Variants in CELF2 observed in about 807,000 individuals in gnomAD.
CELF2 encodes CUGBP Elav-like family member 2.
Under a neutral mutation model 62.6 loss-of-function variants are expected in CELF2, and 8 were observed. The observed-to-expected ratio is 0.13, with a 90% CI of 0.07 to 0.23. The LOEUF is 0.23. Among genes scored for constraint, CELF2 ranks in the 10% least tolerant of loss-of-function variants. The probability of loss-of-function intolerance (pLI) is 1.00; values close to 1 mark genes in which losing one functional copy is unlikely to be tolerated. For synonymous variants in CELF2, 258 were observed against 250.0 expected (o/e 1.03, Z -0.30); for missense variants, 333 against 671.0 (o/e 0.50, Z 5.56).
At chr10:11,114,066 G>C (rs958878440) in intron 1 of CELF2, among the ~76,000 whole-genome samples, 7 of 152,112 alleles carry the variant, frequency 4.6e-5, no homozygotes, top group East Asian at 1.9e-4. Context: ...TCTGGGAAAT[G>C]CTTCTGTGCT....
intron 1 of CELF2, among the ~76,000 whole-genome samples, chr10:11,019,563 AATT>A (rs1350951409): frequency 6.6e-6 from 1 of 151,772 alleles, no homozygotes; most frequent in African/African-American, 2.4e-5. Flanking sequence ...TGCAGTGGCC[AATT>A]ATTTGAGCTG....
the CELF2 span, among the ~76,000 whole-genome samples, chr10:10,512,955 C>T: frequency 6.6e-6 from 1 of 152,186 alleles, no homozygotes. Context: ...AAGAAGCTGC[C>T]TATCCCCAAA....
At chr10:10,844,186 T>C (rs1001782450) in intron 1 of CELF2, among the ~76,000 whole-genome samples, 1 of 152,066 alleles carries the variant, frequency 6.6e-6, no homozygotes, top group Non-Finnish European at 1.5e-5. Context: ...TTGTGACCTC[T>C]GACCAATATA....
intron 5 of CELF2, among the ~76,000 whole-genome samples, chr10:11,262,626 C>T (rs2081005953): frequency 6.6e-6 from 1 of 152,144 alleles, no homozygotes. Context: ...GTGTCTGTGC[C>T]AGTTTTAAAT....
the CELF2 span, among the ~76,000 whole-genome samples, chr10:10,483,542 C>G: frequency 3.1e-4 from 47 of 152,276 alleles, no homozygotes; most frequent in African/African-American, 1.1e-3. Context: ...AAAATGACCC[C>G]TTTCTTTGCC....
At chr10:10,590,564 C>T in the CELF2 span, among the ~76,000 whole-genome samples, 1 of 152,268 alleles carries the variant, frequency 6.6e-6, no homozygotes, top group African/African-American at 2.4e-5. Flanking sequence ...ACTTTCCTGC[C>T]CTTTACTACC....
rs1288399155 is a variant in CELF2, at chr10:11,178,896, C to T, written c.271+13214C>T. Among the ~76,000 whole-genome samples the T allele has an allele frequency of 1.3e-5, 2 of 152,156 alleles. No homozygotes were observed. The highest frequency in any genetic ancestry group is 2.9e-5 in the Non-Finnish European group (2 of 68,020). On this transcript the variant is annotated intron_variant, in intron 2 of 12. Coordinates refer to ENST00000633077, the MANE Select transcript of CELF2 (RefSeq NM_001326342.2). This position sits in a 1 kb window ranked among gnomAD's most constrained non-coding sequence, Gnocchi z 4.3. ...TGACACATACTCCATCACATGTTTG[C>T]GATGAAAATGCTGTATTTTTAGAAC...
At chr10:10,513,841 C>T in the CELF2 span, among the ~76,000 whole-genome samples, 1 of 152,162 alleles carries the variant, frequency 6.6e-6, no homozygotes, top group Non-Finnish European at 1.5e-5. Context: ...CCTCTCTATG[C>T]AAAGTATAGA....
At chr10:10,769,119 A>G in the CELF2 span, among the ~76,000 whole-genome samples, 1 of 152,136 alleles carries the variant, frequency 6.6e-6, no homozygotes, top group Non-Finnish European at 1.5e-5. Flanking sequence ...TACAACAGAT[A>G]TTTATTATAT....
the CELF2 span, among the ~76,000 whole-genome samples, chr10:10,552,757 C>G: frequency 1.3e-5 from 2 of 152,140 alleles, no homozygotes; most frequent in East Asian, 1.9e-4. Context: ...TGATGTTGTT[C>G]GTTCTTTAAT....
intron 1 of CELF2, among the ~76,000 whole-genome samples, chr10:11,094,404 G>GT (rs1033802654): frequency 8.0e-4 from 121 of 152,022 alleles, no homozygotes; most frequent in South Asian, 3.3e-3. Context: ...GAGCTGCATT[G>GT]TTTTTTTTGA....
At position 10,917,898 on chromosome 10, in the gene CELF2, T is replaced by C. The variant is rs536376367; in HGVS notation, c.54-2066T>C. The C allele has an allele frequency of 3.3e-5, 5 of 152,358 alleles. No homozygotes were observed. In the East Asian group the frequency reaches 9.6e-4, roughly 29 times the overall value. The allele number at this position is 152,358 out of a possible 1,614,324, so 9.4% of individuals were successfully genotyped here. A position where few individuals can be genotyped will look rare whatever the true frequency, so the allele number is the denominator to read the frequency against. On this transcript the variant is annotated intron_variant, in intron 1 of 13. Transcript: ENST00000636488. The stretch of plus-strand genomic sequence containing the variant: ...ATTTAAATGGATTTATTATAATGTA[T>C]GAACAACTTCGTTTTAAAAGATCCC...
chr10:11,270,123 T>C lies in CELF2; in HGVS notation c.619-543T>C, dbSNP rs1018296637. ...CATCCTCAAAACTAAAATGAAGCCCTTTTCCCTATGATTGCTGGGCCGATA... is the reference window on the plus strand; with the variant it reads ...CATCCTCAAAACTAAAATGAAGCCCCTTTCCCTATGATTGCTGGGCCGATA... On this transcript the variant is annotated intron_variant, in intron 6 of 12. Coordinates refer to ENST00000633077, the MANE Select transcript of CELF2 (RefSeq NM_001326342.2). The surrounding 1 kb of genome is among the most constrained non-coding windows in gnomAD (Gnocchi z 5.8). 6.6e-6 allele frequency among the ~76,000 whole-genome samples: 1 copy of C among 152,208 alleles called. No homozygotes were observed. Among genetic ancestry groups the C allele is most frequent in the African/African-American group, 2.4e-5 (1 of 41,430 alleles).
chr10:10,528,823 A>G, the CELF2 span, among the ~76,000 whole-genome samples: 3 of 152,274 alleles, frequency 2.0e-5, no homozygotes, highest in African/African-American at 7.2e-5. Flanking sequence ...CTTCAAAGGA[A>G]GAATTTGTCC....
intron 1 of CELF2, among the ~76,000 whole-genome samples, chr10:10,817,390 G>T (rs756593767): frequency 1.1e-4 from 16 of 152,120 alleles, no homozygotes; most frequent in Non-Finnish European, 2.4e-4. Context: ...CATTCCCACT[G>T]TGCTACCAAA....
chr10:10,675,864 G>A, the CELF2 span, among the ~76,000 whole-genome samples: 1 of 152,120 alleles, frequency 6.6e-6, no homozygotes, highest in Non-Finnish European at 1.5e-5. Flanking sequence ...GTTTTGATAT[G>A]CTATCTACTT....
chr10:10,588,655 A>G, the CELF2 span, among the ~76,000 whole-genome samples: 1 of 152,220 alleles, frequency 6.6e-6, no homozygotes, highest in Non-Finnish European at 1.5e-5. Context: ...GTACTCTGAT[A>G]TTTCAAATGG....
At chr10:11,030,022 G>C (rs10905887) in intron 1 of CELF2, among the ~76,000 whole-genome samples, 38,200 of 152,090 alleles carry the variant, frequency 0.25, 8,249 homozygotes, top group African/African-American at 0.59. Flanking sequence ...GTTTCCAGAT[G>C]CCTGCTCAAG....
intron 1 of CELF2, among the ~76,000 whole-genome samples, chr10:10,885,306 C>T (rs989439839): frequency 3.3e-5 from 5 of 151,552 alleles, no homozygotes; most frequent in East Asian, 1.9e-4. Flanking sequence ...ATTTGCTTCA[C>T]GCTAGTGTAT....
Sources: allele counts gnomAD v4.1 joint callset (sites outside exome capture counted in the v4.1 genomes callset), GRCh38; gene constraint gnomAD v4.1.1; non-coding constraint Gnocchi (gnomAD v3.1); transcripts MANE v1.5; gene names NCBI Gene and HGNC (gene_info 2026-07-23, HGNC 2026-07-21).